Variants in POMK observed in about 807,000 individuals in gnomAD.
POMK encodes protein O-mannose kinase.
In POMK, 19 loss-of-function variants were observed where a neutral mutation model predicts 23.0. The observed-to-expected ratio is 0.83, with a 90% CI of 0.58 to 1.21. The LOEUF (loss-of-function observed/expected upper bound fraction) is 1.21, where lower values mean the gene tolerates loss of function less well. Ranked by LOEUF, POMK falls within the 50% of genes most tolerant of loss-of-function variation. The pLI is 0.00. For missense variants in POMK, 410 were observed against 431.3 expected, an observed-to-expected ratio of 0.95 and a Z score of 0.44; for synonymous variants, 173 against 171.6, an observed-to-expected ratio of 1.01 and a Z score of -0.06.
At chr8:43,100,310 C>T (rs1811412141) in intron 2 of POMK, among the ~76,000 whole-genome samples, 1 of 151,986 alleles carries the variant, frequency 6.6e-6, no homozygotes, top group Non-Finnish European at 1.5e-5. Flanking sequence ...AAGTGGGCAG[C>T]AGAGCGGGTG....
At chr8:43,108,216 A>G (rs77233234) in intron 4 of POMK, among the ~76,000 whole-genome samples, 2,470 of 152,250 alleles carry the variant, frequency 0.016, 76 homozygotes, top group African/African-American at 0.056. Flanking sequence ...CTGTACAGGG[A>G]CTGTGTAGAC....
Position 43,093,551 on chromosome 8 carries a change from G to T in POMK, c.-222G>T, listed in dbSNP as rs545946973. ...GCCCGGGGTGGCAGGAGCCGCAGAG[G>T]CTTGGGCTGCAGGTAGGTGCTGCGG... On this transcript the variant is annotated 5_prime_UTR_variant, in exon 1 of 5. Transcript: ENST00000331373. The T allele has an allele frequency of 6.6e-3, 1,014 of 152,966 alleles. 3 individuals are homozygous for T. Among genetic ancestry groups the T allele is most frequent in the Non-Finnish European group, 9.8e-3 (670 of 68,554 alleles). The allele number at this position is 152,966 out of a possible 1,614,324, so 9.5% of individuals were successfully genotyped here. A position where few individuals can be genotyped will look rare whatever the true frequency, so the allele number is the denominator to read the frequency against.
rs1811935596 is a variant in POMK, at chr8:43,122,347, T to C, written c.523T>C (p.Trp175Arg). The change falls in exon 5 of 5, where the codon TGG becomes CGG. Residue 175 changes from tryptophan (W) to arginine (R), a missense_variant. By Grantham distance (101) the Trp-to-Arg change is moderately radical. Transcript: ENST00000331373. ...TTCAAAGTACCAAAATGTGAACACG[T>C]GGCAGCACAGGCTGGAGCTGGCCAT... is the stretch of plus-strand genomic sequence containing the variant. ...NLSKYQNVNT[W>R]QHRLELAMDY... is the part of the protein sequence containing the mutation. 1.2e-6 allele frequency: 2 copies of C among 1,614,092 alleles called. No homozygotes were observed. Among genetic ancestry groups the C allele is most frequent in the African/African-American group, 2.7e-5 (2 of 74,930 alleles).
At chr8:43,114,540 A>T (rs936974668) in intron 4 of POMK, among the ~76,000 whole-genome samples, 4 of 152,150 alleles carry the variant, frequency 2.6e-5, no homozygotes, top group African/African-American at 9.7e-5. Flanking sequence ...AGGAAAGGGA[A>T]TGCCCTGACC....
chr8:43,104,829 G>A lies in POMK; in HGVS notation c.282+999G>A, dbSNP rs116178438. ...CATAATGGTGCGCACTACTTGGGAAGCTCAGGTGGGAGAATCTCTTGAGCC... is the reference window on the plus strand; with the variant it reads ...CATAATGGTGCGCACTACTTGGGAAACTCAGGTGGGAGAATCTCTTGAGCC... On this transcript the variant is annotated intron_variant, in intron 4 of 4. Transcript: ENST00000331373. 1.8e-3 allele frequency among the ~76,000 whole-genome samples: 279 copies of A among 152,158 alleles called. 5 individuals carry two copies. The highest frequency in any genetic ancestry group is 6.4e-3 in the African/African-American group (267 of 41,516).
At position 43,122,456 on chromosome 8, in the gene POMK, C is replaced by T; in HGVS notation, c.632C>T (p.Thr211Ile). 6.2e-7 allele frequency: 1 copy of T among 1,614,180 alleles called. No homozygotes were observed. Among genetic ancestry groups the T allele is most frequent in the Middle Eastern group, 1.6e-4 (1 of 6,062 alleles). ...TGCGACTCCAACGACCTGCCGAAGA[C>T]ACTGTCCCAGTATCTGCTAACAAGC... is the stretch of plus-strand genomic sequence containing the variant. ...VMCDSNDLPK[T>I]LSQYLLTSNF... The change falls in exon 5 of 5, where the codon ACA becomes ATA. Residue 211 changes from threonine (T) to isoleucine (I), a missense_variant. Thr to Ile is a moderately conservative substitution (Grantham distance 89). Transcript: ENST00000331373.
chr8:43,095,492 C>G (rs1385846287), intron 1 of POMK, among the ~76,000 whole-genome samples: 3 of 152,068 alleles, frequency 2.0e-5, no homozygotes, highest in African/African-American at 7.2e-5. Flanking sequence ...TAAAGGTTTT[C>G]TGAGTAATGC....
chr8:43,119,424 G>GA (rs1208486435), intron 4 of POMK, among the ~76,000 whole-genome samples: 1 of 144,144 alleles, frequency 6.9e-6, no homozygotes, highest in Non-Finnish European at 1.5e-5. Context: ...CAGCCAGAGT[G>GA]AAAAACAGCT....
chr8:43,122,867 A>C lies in POMK; in HGVS notation c.1043A>C (p.Glu348Ala), dbSNP rs1811952557. 6.2e-7 allele frequency: 1 copy of C among 1,607,322 alleles called. No individual in the cohort carries two copies. The highest frequency in any genetic ancestry group is 1.1e-5 in the South Asian group (1 of 90,682). ...LRDAMMSQAR[E>A]ML The stretch of plus-strand genomic sequence containing the variant: ...GATGCCATGATGTCTCAGGCAAGAG[A>C]GATGCTGTGAAAACCAGTCCAGCCA... The change falls in exon 5 of 5, where the codon GAG becomes GCG. Residue 348 changes from glutamate (E) to alanine (A), a missense_variant. Transcript: ENST00000331373.
intron 1 of POMK, among the ~76,000 whole-genome samples, chr8:43,096,914 G>C (rs1296969391): frequency 3.3e-5 from 5 of 152,184 alleles, no homozygotes; most frequent in Non-Finnish European, 1.5e-5. Context: ...TATAAAGCTT[G>C]AAAACATATG....
chr8:43,096,281 A>G (rs951513303), intron 1 of POMK, among the ~76,000 whole-genome samples: 3 of 152,208 alleles, frequency 2.0e-5, no homozygotes, highest in African/African-American at 7.2e-5. Flanking sequence ...TCAGGAGGCC[A>G]CATAAGAGTT....
At chr8:43,104,656 C>G (rs1262262291) in intron 4 of POMK, among the ~76,000 whole-genome samples, 1 of 152,078 alleles carries the variant, frequency 6.6e-6, no homozygotes, top group Non-Finnish European at 1.5e-5. Flanking sequence ...TAGATAAATA[C>G]AAAAATGGTC....
intron 4 of POMK, among the ~76,000 whole-genome samples, chr8:43,114,747 A>G (rs1446814800): frequency 6.6e-6 from 1 of 152,224 alleles, no homozygotes; most frequent in Non-Finnish European, 1.5e-5. Flanking sequence ...CTATTCGGCC[A>G]TCTTGCCCCT....
intron 3 of POMK, among the ~76,000 whole-genome samples, 187 bp downstream of exon 3, chr8:43,102,787 C>T (rs140704622): frequency 5.3e-5 from 8 of 152,328 alleles, no homozygotes; most frequent in South Asian, 2.1e-4. Flanking sequence ...CAGGCTTCTC[C>T]GCAGCCAGGC....
rs151313580 is a variant in POMK, at chr8:43,115,285, C to T, written c.283-6822C>T. Among the ~76,000 whole-genome samples the T allele has an allele frequency of 7.9e-3, 1,208 of 152,266 alleles. 17 individuals are homozygous for T. Among genetic ancestry groups the T allele is most frequent in the African/African-American group, 0.027 (1,135 of 41,532 alleles). ...TCTTCTGTGCTTGTACCCCGCATGACGTCATCCAGCCTTCTGGCTTCATCT... is the reference window on the plus strand; with the variant it reads ...TCTTCTGTGCTTGTACCCCGCATGATGTCATCCAGCCTTCTGGCTTCATCT... On this transcript the variant is annotated intron_variant, in intron 4 of 4. Transcript: ENST00000331373.
chr8:43,113,515 A>C (rs1811726193), intron 4 of POMK, among the ~76,000 whole-genome samples: 2 of 151,768 alleles, frequency 1.3e-5, no homozygotes, highest in South Asian at 4.2e-4. Context: ...CATTCATCTA[A>C]ATTTTTTCAA....
chr8:43,103,654 C>T lies in POMK; in HGVS notation c.106C>T (p.Leu36Phe). Residue 36 changes from leucine to phenylalanine, a missense_variant, in exon 4 of 5, where the codon CTC becomes TTC. Physicochemically the swap from Leu to Phe is conservative, Grantham distance 22. Transcript: ENST00000331373. Reference sequence around the variant, plus strand: ...GGCCCTGATGAATACTCTGCTCTACCTCTGCCTCGACCACTTCTTCATCGC... The same window carrying T: ...GGCCCTGATGAATACTCTGCTCTACTTCTGCCTCGACCACTTCTTCATCGC... Reference protein sequence around the residue: ...IMALMNTLLYLCLDHFFIAPR... With the variant: ...IMALMNTLLYFCLDHFFIAPR... 1 of 1,614,050 alleles carries T rather than the reference C, an allele frequency of 6.2e-7. No individual in the cohort carries two copies. The highest frequency in any genetic ancestry group is 1.1e-5 in the South Asian group (1 of 91,074).
In POMK at chr8:43,114,951, T is replaced by C. The variant is rs543671569; in HGVS notation, c.283-7156T>C. 9.2e-5 allele frequency among the ~76,000 whole-genome samples: 14 copies of C among 152,308 alleles called. 1 individual carries two copies. The highest frequency in any genetic ancestry group is 3.4e-4 in the African/African-American group (14 of 41,564). On this transcript the variant is annotated intron_variant, in intron 4 of 4. Coordinates refer to ENST00000331373, the MANE Select transcript of POMK (RefSeq NM_032237.5). ...GAGTCAAATTTTTTTTTCTCATCGT[T>C]ATAATGAAATGACTTATTGAAGGGC...
chr8:43,122,683 G>C lies in POMK; in HGVS notation c.859G>C (p.Asp287His), dbSNP rs1811947241. Residue 287 changes from aspartate to histidine, a missense_variant, in exon 5 of 5, where the codon GAC (aspartate) becomes CAC (histidine). Transcript: ENST00000331373. ...DEKIDIWKIP[D>H]ISSFLLGHIE... ...GAAGATTGACATTTGGAAGATCCCAGACATCTCCAGTTTCCTTCTGGGGCA... is the reference window on the plus strand; with the variant it reads ...GAAGATTGACATTTGGAAGATCCCACACATCTCCAGTTTCCTTCTGGGGCA... 4 of 1,614,198 alleles carry C rather than the reference G, an allele frequency of 2.5e-6. No individual in the cohort carries two copies. Among genetic ancestry groups the C allele is most frequent in the Non-Finnish European group, 3.4e-6 (4 of 1,180,030 alleles).
Sources: allele counts gnomAD v4.1 joint callset (sites outside exome capture counted in the v4.1 genomes callset), GRCh38; gene constraint gnomAD v4.1.1; transcripts MANE v1.5; gene names NCBI Gene and HGNC (gene_info 2026-07-23, HGNC 2026-07-21).